Variants in ADAMTS4 observed in about 807,000 individuals in gnomAD.
ADAMTS4 encodes the protein ADAM metallopeptidase with thrombospondin type 1 motif 4, also known as A disintegrin and metalloproteinase with thrombospondin motifs 4.
ADAMTS4 carries 38 observed loss-of-function variants against 66.7 expected under a neutral mutation model. The observed-to-expected ratio is 0.57, with a 90% confidence interval of 0.44 to 0.75. The LOEUF is 0.75. ADAMTS4 is among the 30% of genes least tolerant of loss of function. ADAMTS4 has a pLI of 0.00. For missense variants in ADAMTS4, 1,014 were observed against 1,116.7 expected (o/e 0.91, Z 1.31); for synonymous variants, 418 against 461.5 (o/e 0.91, Z 1.21).
At chr1:161,196,111 T>C (rs1030567374) in intron 3 of ADAMTS4, 60 bp downstream of exon 3, 10 of 1,524,098 alleles carry the variant, frequency 6.6e-6, no homozygotes, top group Non-Finnish European at 8.8e-6. Flanking sequence ...TGTGGTGAAC[T>C]TGCTACCCCC....
Position 161,190,823 on chromosome 1 carries a change from A to C in ADAMTS4, c.*315T>G. The C allele has an allele frequency of 3.7e-6, 1 of 271,638 alleles. No individual in the cohort carries two copies. Among genetic ancestry groups the C allele is most frequent in the Non-Finnish European group, 7.1e-6 (1 of 141,814 alleles). The allele number at this position is 271,638 out of a possible 1,614,324, so 16.8% of individuals were successfully genotyped here. A position where few individuals can be genotyped will look rare whatever the true frequency, so the allele number is the denominator to read the frequency against. Reference sequence around the variant, plus strand: ...TCCCTGGTGCTAAATAAAAGTGAATAAATACTAAATAAATACAACTGGGGC... The same window carrying C: ...TCCCTGGTGCTAAATAAAAGTGAATCAATACTAAATAAATACAACTGGGGC... On this transcript the variant is annotated 3_prime_UTR_variant, in exon 9 of 9. Coordinates refer to ENST00000367996, the MANE Select transcript of ADAMTS4 (RefSeq NM_005099.6).
chr1:161,196,744 C>T lies in ADAMTS4; in HGVS notation c.770G>A (p.Ser257Asn). Residue 257 changes from serine to asparagine, a missense_variant, in exon 2 of 9, where the codon AGC (serine) becomes AAC (asparagine). Transcript: ENST00000367996. Reference protein sequence around the residue: ...AAAAKAFKHPSIRNPVSLVVT... With the variant: ...AAAAKAFKHPNIRNPVSLVVT... Reference sequence around the variant, plus strand: ...CACCAAGCTGACAGGATTGCGGATGCTTGGGTGCTTGAAGGCCTTGGCTGC... The same window carrying T: ...CACCAAGCTGACAGGATTGCGGATGTTTGGGTGCTTGAAGGCCTTGGCTGC... The T allele has an allele frequency of 6.2e-7, 1 of 1,613,638 alleles. No homozygotes were observed. The highest frequency in any genetic ancestry group is 1.1e-5 in the South Asian group (1 of 91,088).
chr1:161,196,326 G>T (rs759480864), intron 2 of ADAMTS4, 23 bp from the exon 3 acceptor site: 1 of 1,584,162 alleles, frequency 6.3e-7, no homozygotes, highest in South Asian at 1.1e-5. Flanking sequence ...ATCATAGAAG[G>T]TGCATAGACA....
At position 161,198,911 on chromosome 1, in the gene ADAMTS4, G is replaced by T; in HGVS notation, c.-284C>A. On this transcript the variant is annotated 5_prime_UTR_variant, in exon 1 of 9. Transcript: ENST00000367996. This position sits in a 1 kb window ranked among gnomAD's most constrained non-coding sequence, Gnocchi z 4.7. ...GCCTGTGTCTTCTGCAGCTTCTCTG[G>T]CCTCTCCCTCTGTAGGACTCTGTCT... 2.5e-6 allele frequency: 1 copy of T among 393,692 alleles called. No homozygotes were observed. The highest frequency in any genetic ancestry group is 4.5e-6 in the Non-Finnish European group (1 of 220,234). 24.4% of individuals were successfully genotyped at this position (393,692 alleles called of 1,614,324 possible). A position where few individuals can be genotyped will look rare whatever the true frequency, so the allele number is the denominator to read the frequency against.
chr1:161,197,948 G>A (rs747334787), intron 1 of ADAMTS4, 47 bp downstream of exon 1: 73 of 1,520,470 alleles, frequency 4.8e-5, no homozygotes, highest in Non-Finnish European at 6.4e-5. Context: ...CAGTAGGACA[G>A]ACATGGCGGG....
chr1:161,194,010 A>G lies in ADAMTS4; in HGVS notation c.1473T>C (p.Asp491=). ...CCTGTGCGGGCCCGCAGGGTGTGCC[A>G]TCGGCCCAGGGCGAGTGTTTGGTCT... The part of the protein sequence containing the change: ...MCQTKHSPWA[D]GTPCGPAQAC... Residue 491 remains aspartate, a synonymous_variant, in exon 5 of 9, where the codon GAT becomes GAC. Coordinates refer to ENST00000367996, the MANE Select transcript of ADAMTS4 (RefSeq NM_005099.6). This position sits in a 1 kb window ranked among gnomAD's most constrained non-coding sequence, Gnocchi z 4.1. The G allele has an allele frequency of 6.2e-7, 1 of 1,613,370 alleles. No individual in the cohort carries two copies. Among genetic ancestry groups the G allele is most frequent in the Non-Finnish European group, 8.5e-7 (1 of 1,179,542 alleles).
chr1:161,197,603 C>T (rs966694094), intron 1 of ADAMTS4: 5 of 198,652 alleles, frequency 2.5e-5, no homozygotes, highest in African/African-American at 1.2e-4. Context: ...AACCTGACTC[C>T]TATAGCTGGG....
Position 161,188,296 on chromosome 1 carries a change from TG to T in ADAMTS4, c.*2841del, listed in dbSNP as rs1237604844. The T allele has an allele frequency of 7.1e-5, 10 of 140,990 alleles. No individual in the cohort carries two copies. The highest frequency in any genetic ancestry group is 2.7e-4 in the African/African-American group (10 of 37,734). The allele number at this position is 140,990 out of a possible 1,614,324, so 8.7% of individuals were successfully genotyped here. A position where few individuals can be genotyped will look rare whatever the true frequency, so the allele number is the denominator to read the frequency against. On this transcript the variant is annotated 3_prime_UTR_variant, in exon 9 of 9. Transcript: ENST00000367996. ...GTCTCTCACCCAGGCTGGAGTATAG[TG>T]GCATGATTGTAGCTCACCATAGCCT...
At position 161,193,708 on chromosome 1, in the gene ADAMTS4, C is replaced by T. The variant is rs1664738023; in HGVS notation, c.1667G>A (p.Gly556Asp). 1.2e-6 allele frequency: 2 copies of T among 1,613,994 alleles called. No homozygotes were observed. Among genetic ancestry groups the T allele is most frequent in the East Asian group, 2.2e-5 (1 of 44,902 alleles). Reference sequence around the variant, plus strand: ...GGTACGGCGGCCCTCACAGTACTTGCCACCATTCCGGGGGACAGGCCTCGT... The same window carrying T: ...GGTACGGCGGCCCTCACAGTACTTGTCACCATTCCGGGGGACAGGCCTCGT... ...DCTRPVPRNG[G>D]KYCEGRRTRF... The change falls in exon 6 of 9, where the codon GGC becomes GAC. Residue 556 changes from glycine to aspartate, a missense_variant. Physicochemically the swap from Gly to Asp is moderately conservative, Grantham distance 94 (BLOSUM62 -1). Transcript: ENST00000367996. The surrounding 1 kb of genome is among the most constrained non-coding windows in gnomAD (Gnocchi z 4.4).
chr1:161,191,452 C>T lies in ADAMTS4; in HGVS notation c.2200G>A (p.Gly734Ser). 1 of 1,614,174 alleles carries T rather than the reference C, an allele frequency of 6.2e-7. No homozygotes were observed. Among genetic ancestry groups the T allele is most frequent in the Non-Finnish European group, 8.5e-7 (1 of 1,180,016 alleles). Residue 734 changes from glycine (G) to serine (S), a missense_variant, in exon 9 of 9, where the codon GGC becomes AGC. By Grantham distance (56) the Gly-to-Ser change is moderately conservative. Coordinates refer to ENST00000367996, the MANE Select transcript of ADAMTS4 (RefSeq NM_005099.6). ...TATTCACCATTGAGGGCATAGGAGC[C>T]ATCTGGCAGCTTCAGGGCCAAGTAG... is the stretch of plus-strand genomic sequence containing the variant. ...SIYLALKLPD[G>S]SYALNGEYTL...
chr1:161,184,476 A>G lies in ADAMTS4; in HGVS notation c.*6662T>C, dbSNP rs942093769. On this transcript the variant is annotated 3_prime_UTR_variant, in exon 9 of 9. Transcript: ENST00000367996. ...GAGATCAAGTAATTAAGGTTGCATCATTACAGGTAAGTAAGTAGCAAGGCT... is the reference window on the plus strand; with the variant it reads ...GAGATCAAGTAATTAAGGTTGCATCGTTACAGGTAAGTAAGTAGCAAGGCT... 5 of 152,244 alleles carry G rather than the reference A, an allele frequency of 3.3e-5. No individual in the cohort carries two copies. Among genetic ancestry groups the G allele is most frequent in the African/African-American group, 1.2e-4 (5 of 41,466 alleles). 9.4% of individuals were successfully genotyped at this position (152,244 alleles called of 1,614,324 possible).
rs1360746275 is a variant in ADAMTS4, at chr1:161,194,192, G to C, written c.1291C>G (p.Pro431Ala). ...GGGAAAGTCACAGGCAGATGCAATG[G>C]AGCCTCTGGTTTGTCTAAGAGACAG... Reference protein sequence around the residue: ...GHCLLDKPEAPLHLPVTFPGK... With the variant: ...GHCLLDKPEAALHLPVTFPGK... Residue 431 changes from proline (P) to alanine (A), a missense_variant, in exon 5 of 9, where the codon CCA becomes GCA. Pro to Ala is a conservative substitution (Grantham distance 27, BLOSUM62 -1). Transcript: ENST00000367996. This position sits in a 1 kb window ranked among gnomAD's most constrained non-coding sequence, Gnocchi z 4.1. 6.2e-7 allele frequency: 1 copy of C among 1,614,132 alleles called. No homozygotes were observed. Among genetic ancestry groups the C allele is most frequent in the Admixed American group, 1.7e-5 (1 of 60,024 alleles).
Position 161,196,871 on chromosome 1 carries a change from A to G in ADAMTS4, c.643T>C (p.Ser215Pro). ...AGTGTCTCCACAAATCTACTCAGTG[A>G]AGCAAAGCGCTGTAGAGAAAAAGGG... ...PRPRRAKRFA[S>P]LSRFVETLVV... The change falls in exon 2 of 9, where the codon TCA becomes CCA. Residue 215 changes from serine to proline, a missense_variant. Transcript: ENST00000367996. 1 of 1,599,784 alleles carries G rather than the reference A, an allele frequency of 6.3e-7. No homozygotes were observed. Among genetic ancestry groups the G allele is most frequent in the Non-Finnish European group, 8.5e-7 (1 of 1,176,266 alleles).
At position 161,187,015 on chromosome 1, in the gene ADAMTS4, A is replaced by G. The variant is rs932584613; in HGVS notation, c.*4123T>C. 3.9e-5 allele frequency: 6 copies of G among 152,042 alleles called. No homozygotes were observed. Among genetic ancestry groups the G allele is most frequent in the African/African-American group, 1.4e-4 (6 of 41,382 alleles). The allele number at this position is 152,042 out of a possible 1,614,324, so 9.4% of individuals were successfully genotyped here. A position where few individuals can be genotyped will look rare whatever the true frequency, so the allele number is the denominator to read the frequency against. ...GACCCTATCTCAAAAAAAAAAGTGT[A>G]TCTCCATGAACATTAAAGGAAAGTG... On this transcript the variant is annotated 3_prime_UTR_variant, in exon 9 of 9. Transcript: ENST00000367996.
chr1:161,192,155 A>G lies in ADAMTS4; in HGVS notation c.1997T>C (p.Ile666Thr), dbSNP rs745360883. Residue 666 changes from isoleucine (I) to threonine (T), a missense_variant, in exon 8 of 9, where the codon ATT becomes ACT. Ile to Thr is a moderately conservative substitution (Grantham distance 89, BLOSUM62 -1). Coordinates refer to ENST00000367996, the MANE Select transcript of ADAMTS4 (RefSeq NM_005099.6). ...RCIHAGCDRI[I>T]GSKKKFDKCM... The stretch of plus-strand genomic sequence containing the variant: ...CTTGTCAAACTTCTTCTTGGAGCCA[A>G]TGATGCGATCACAGCCAGCATGGAT... 27 of 1,614,016 alleles carry G rather than the reference A, an allele frequency of 1.7e-5. 1 individual carries two copies. In the South Asian group the frequency reaches 2.2e-4, roughly 13 times the overall value.
rs755998492 is a variant in ADAMTS4 at position 161,198,005 on chromosome 1, C to T, written c.623G>A (p.Arg208Gln). Residue 208 changes from arginine (R) to glutamine (Q), a missense_variant, in exon 1 of 9, where the codon CGA becomes CAA. Arg to Gln is a conservative substitution (Grantham distance 43). Transcript: ENST00000367996. This position sits in a 1 kb window ranked among gnomAD's most constrained non-coding sequence, Gnocchi z 4.7. ...TCCAGAGATGCCTACCTTGGCTCTTCGGGGTCTGGGGCTGGGGCTTCCAAG... is the reference window on the plus strand; with the variant it reads ...TCCAGAGATGCCTACCTTGGCTCTTTGGGGTCTGGGGCTGGGGCTTCCAAG... ...APLGSPSPRP[R>Q]RAKRFASLSR... 1.2e-5 allele frequency: 18 copies of T among 1,559,734 alleles called. No individual in the cohort carries two copies. Among genetic ancestry groups the T allele is most frequent in the East Asian group, 6.8e-5 (3 of 44,434 alleles).
At position 161,198,466 on chromosome 1, in the gene ADAMTS4, G is replaced by T; in HGVS notation, c.162C>A (p.Pro54=). The T allele has an allele frequency of 6.4e-7, 1 of 1,571,822 alleles. No individual in the cohort carries two copies. Among genetic ancestry groups the T allele is most frequent in the Non-Finnish European group, 8.6e-7 (1 of 1,158,940 alleles). ...SLLPSARLAS[P]LPREEEIVFP... is the part of the protein sequence containing the mutation. ...ACACGATCTCCTCCTCCCGGGGGAG[G>T]GGGCTGGCCAGCCGGGCTGAGGGCA... Residue 54 remains proline, a synonymous_variant, in exon 1 of 9, where the codon CCC becomes CCA. Transcript: ENST00000367996. The surrounding 1 kb of genome is among the most constrained non-coding windows in gnomAD (Gnocchi z 4.7).
intron 7 of ADAMTS4, among the ~76,000 whole-genome samples, chr1:161,192,620 T>G (rs1664710214): frequency 6.6e-6 from 1 of 151,948 alleles, no homozygotes; most frequent in Non-Finnish European, 1.5e-5. Context: ...AGATGGGAAG[T>G]GCAGTCTGTC....
chr1:161,187,944 CTT>C lies in ADAMTS4; in HGVS notation c.*3192_*3193del, dbSNP rs34912400. The C allele has an allele frequency of 1.1e-3, 98 of 91,820 alleles. No individual in the cohort carries two copies. The highest frequency in any genetic ancestry group is 3.8e-3 in the African/African-American group (85 of 22,094). 5.7% of individuals were successfully genotyped at this position (91,820 alleles called of 1,614,324 possible). A position where few individuals can be genotyped will look rare whatever the true frequency, so the allele number is the denominator to read the frequency against. ...TGACACATAGAGGACTGCCCAAGTT[CTT>C]TTTTTTTTTTTTTTTTTTTTTGAGA... On this transcript the variant is annotated 3_prime_UTR_variant, in exon 9 of 9. Transcript: ENST00000367996.
Sources: allele counts gnomAD v4.1 joint callset (sites outside exome capture counted in the v4.1 genomes callset), GRCh38; gene constraint gnomAD v4.1.1; non-coding constraint Gnocchi (gnomAD v3.1); transcripts MANE v1.5; gene names NCBI Gene and HGNC (gene_info 2026-07-23, HGNC 2026-07-21).